The following ELSPBP1 variants were observed in gnomAD, a reference collection of about 807,000 sequenced individuals.
The protein encoded by ELSPBP1 is epididymal sperm-binding protein 1.
In ELSPBP1, 38 loss-of-function variants were observed where a neutral mutation model predicts 33.3. The ratio of observed to expected loss-of-function variants is 1.14; its 90% CI spans 0.88 to 1.50. The LOEUF (loss-of-function observed/expected upper bound fraction) is 1.50. ELSPBP1 is among the 40% of genes most tolerant of loss of function. The probability of loss-of-function intolerance (pLI) is 0.00; values close to 1 mark genes in which losing one functional copy is unlikely to be tolerated. For missense variants in ELSPBP1, 267 were observed against 263.5 expected, an observed-to-expected ratio of 1.01 and a Z score of -0.09; for synonymous variants, 85 against 94.1, an observed-to-expected ratio of 0.90 and a Z score of 0.56.
chr19:48,021,050 G>T (rs1600112616), intron 5 of ELSPBP1, among the ~76,000 whole-genome samples: 1 of 152,128 alleles, frequency 6.6e-6, no homozygotes, highest in East Asian at 1.9e-4. Context: ...GTGGATAGAG[G>T]CTTCCAGTTT....
At chr19:48,001,442 G>A (rs1037952219) in intron 1 of ELSPBP1, among the ~76,000 whole-genome samples, 11 of 151,534 alleles carry the variant, frequency 7.3e-5, no homozygotes, top group South Asian at 4.2e-4. Flanking sequence ...CACCCGCCTC[G>A]GCATCCCACC....
chr19:48,001,500 G>A (rs1230119279), intron 1 of ELSPBP1, among the ~76,000 whole-genome samples: 1 of 151,948 alleles, frequency 6.6e-6, no homozygotes, highest in Non-Finnish European at 1.5e-5. Flanking sequence ...TCCATCTGGG[G>A]AATCCCGGAT....
chr19:48,006,641 A>AAAG (rs1967022367), intron 1 of ELSPBP1, among the ~76,000 whole-genome samples: 1 of 89,738 alleles, frequency 1.1e-5, no homozygotes, highest in Non-Finnish European at 2.6e-5. Flanking sequence ...AAAAAAAAAA[A>AAAG]AAAAAAGAAA....
intron 2 of ELSPBP1, among the ~76,000 whole-genome samples, chr19:48,013,902 C>T (rs1249256278): frequency 5.9e-5 from 9 of 152,074 alleles, no homozygotes; most frequent in African/African-American, 1.7e-4. Flanking sequence ...GCTGTATCCT[C>T]ACATCGTAGA....
chr19:48,016,467 TCTTTCTTTCTTTC>T (rs1568407346), intron 4 of ELSPBP1, among the ~76,000 whole-genome samples: 25 of 38,118 alleles, frequency 6.6e-4, no homozygotes, highest in South Asian at 1.1e-3. Context: ...TTTCTTTCCT[TCTTTCTTTCTTTC>T]TTTCTTTCTT....
At position 48,016,454 on chromosome 19, in the gene ELSPBP1, TC is replaced by T. The variant is rs1967134101; in HGVS notation, c.355+416del. Among the ~76,000 whole-genome samples, 4 of 131,544 alleles carry T rather than the reference TC, an allele frequency of 3.0e-5. No homozygotes were observed. In the South Asian group the frequency reaches 8.2e-4, roughly 27 times the overall value. The allele number at this position is 131,544 out of a possible 152,430, so 86.3% of individuals were successfully genotyped here. ...TTCCTCCCTCCCTCCCTTTTCTCTT[TC>T]TTTTCTTTCCTTCTTTCTTTCTTTC... On this transcript the variant is annotated intron_variant, in intron 4 of 6. Transcript: ENST00000339841.
intron 1 of ELSPBP1, among the ~76,000 whole-genome samples, chr19:48,002,056 G>A (rs1295105601): frequency 6.6e-6 from 1 of 152,068 alleles, no homozygotes; most frequent in Admixed American, 6.6e-5. Context: ...ATTAGGACGT[G>A]GACAGATTTG....
intron 6 of ELSPBP1, among the ~76,000 whole-genome samples, chr19:48,023,295 A>G (rs1420571467): frequency 1.6e-5 from 2 of 126,726 alleles, no homozygotes; most frequent in Non-Finnish European, 3.4e-5. Context: ...GAGGAAAGGA[A>G]GGAAGGAGAG....
intron 1 of ELSPBP1, among the ~76,000 whole-genome samples, chr19:48,000,331 C>A (rs924541565): frequency 6.6e-6 from 1 of 151,548 alleles, no homozygotes; most frequent in African/African-American, 2.4e-5. Flanking sequence ...ACCTCTGCCT[C>A]CTGGGTTCAA....
chr19:48,008,786 G>T, intron 2 of ELSPBP1, 49 bp downstream of exon 2: 2 of 1,522,144 alleles, frequency 1.3e-6, no homozygotes, highest in Non-Finnish European at 1.8e-6. Context: ...GGAGAAGAAT[G>T]AATGGGGCAA....
Position 48,015,874 on chromosome 19 carries a change from C to A in ELSPBP1, c.209-19C>A. ...CGACTAGAGGAAGTTAAGACACTCACGAACTCTGTTCCTAACAGATTACCC... is the reference window on the plus strand; with the variant it reads ...CGACTAGAGGAAGTTAAGACACTCAAGAACTCTGTTCCTAACAGATTACCC... On this transcript the variant is annotated intron_variant, in intron 3 of 6. Coordinates refer to ENST00000339841, the MANE Select transcript of ELSPBP1 (RefSeq NM_022142.5). 1 of 1,591,178 alleles carries A rather than the reference C, an allele frequency of 6.3e-7. No individual in the cohort carries two copies. Among genetic ancestry groups the A allele is most frequent in the South Asian group, 1.1e-5 (1 of 89,790 alleles).
chr19:48,008,590 G>A lies in ELSPBP1; in HGVS notation c.-17-61G>A, dbSNP rs539426268. 2.6e-6 allele frequency: 3 copies of A among 1,169,354 alleles called. No individual in the cohort carries two copies. The South Asian group carries it at 3.9e-5, about 15-fold the overall frequency. 72.4% of individuals were successfully genotyped at this position (1,169,354 alleles called of 1,614,324 possible). ...AATGGCATGTATGACGTCAAATCTA[G>A]GAGGTAATGGGAAGAGGAAGGGGAC... On this transcript the variant is annotated intron_variant, in intron 1 of 6. Transcript: ENST00000339841.
chr19:48,015,945 C>T lies in ELSPBP1; in HGVS notation c.261C>T (p.Ser87=). 6.2e-7 allele frequency: 1 copy of T among 1,613,988 alleles called. No individual in the cohort carries two copies. Among genetic ancestry groups the T allele is most frequent in the Non-Finnish European group, 8.5e-7 (1 of 1,179,858 alleles). The change falls in exon 4 of 7, where the codon AGC becomes AGT. Residue 87 remains serine (S), a synonymous_variant. Transcript: ENST00000339841. ...PFIYRGKAYN[S]CISQGSFLGS... ...TCTATCGAGGAAAGGCTTATAACAG[C>T]TGCATCTCCCAGGGCAGCTTCTTAG...
At chr19:48,015,241 A>T (rs920853617) in intron 3 of ELSPBP1, among the ~76,000 whole-genome samples, 2 of 152,128 alleles carry the variant, frequency 1.3e-5, no homozygotes, top group Non-Finnish European at 2.9e-5. Context: ...CTTCATGTTG[A>T]GGAGGAGGAG....
Position 48,019,890 on chromosome 19 carries a change from T to TGGGGGTTG in ELSPBP1, c.514+16_514+23dup. 1 of 1,433,496 alleles carries TGGGGGTTG rather than the reference T, an allele frequency of 7.0e-7. No homozygotes were observed. The highest frequency in any genetic ancestry group is 9.7e-7 in the Non-Finnish European group (1 of 1,036,000). The allele number at this position is 1,433,496 out of a possible 1,614,324, so 88.8% of individuals were successfully genotyped here. A position where few individuals can be genotyped will look rare whatever the true frequency, so the allele number is the denominator to read the frequency against. On this transcript the variant is annotated intron_variant, in intron 5 of 6. Coordinates refer to ENST00000339841, the MANE Select transcript of ELSPBP1 (RefSeq NM_022142.5). ...TGTGCCGACACCAGTAATCTGGGGATGGGGGTTGGGTGGGTGTGGGTGGAG... is the reference window on the plus strand; with the variant it reads ...TGTGCCGACACCAGTAATCTGGGGATGGGGGTTGGGGGGTTGGGTGGGTGTGGGTGGAG...
intron 4 of ELSPBP1, among the ~76,000 whole-genome samples, chr19:48,016,523 TCTTTCTTCCTTCCTTCCTTCCTTC>T (rs1213451315): frequency 9.1e-4 from 60 of 65,992 alleles, no homozygotes; most frequent in African/African-American, 3.1e-3. Flanking sequence ...TTTCTTTCTT[TCTTTCTTCCTTCCTTCCTTCCTTC>T]CTTCCTTCCT....
intron 2 of ELSPBP1, among the ~76,000 whole-genome samples, chr19:48,010,994 GATAATGACA>G (rs1257699552): frequency 1.3e-5 from 2 of 152,096 alleles, no homozygotes; most frequent in Non-Finnish European, 2.9e-5. Context: ...GCAAAGCATT[GATAATGACA>G]ATAATGACAG....
chr19:48,019,720 G>T lies in ELSPBP1; in HGVS notation c.357G>T (p.Glu119Asp). 1 of 1,613,564 alleles carries T rather than the reference G, an allele frequency of 6.2e-7. No individual in the cohort carries two copies. The highest frequency in any genetic ancestry group is 8.5e-7 in the Non-Finnish European group (1 of 1,179,754). Residue 119 changes from glutamate (E) to aspartate (D), a missense_variant and splice_region_variant, in exon 5 of 7, where the codon GAG becomes GAT. By Grantham distance (45) the Glu-to-Asp change is conservative. Coordinates refer to ENST00000339841, the MANE Select transcript of ELSPBP1 (RefSeq NM_022142.5). ...TAACCTTTCCATAATCCTTTTCAGA[G>T]TATGGGGGAAATTCTCTCAGGAAGC... ...KQQWKFCETN[E>D]YGGNSLRKPC...
intron 3 of ELSPBP1, 82 bp from the exon 4 acceptor site, chr19:48,015,811 G>A: frequency 7.4e-7 from 1 of 1,353,098 alleles, no homozygotes; most frequent in Non-Finnish European, 1.0e-6. Context: ...CCTGTCCTAT[G>A]ATGGTTGATT....
Sources: gnomAD v4.1 joint callset for allele counts (sites outside exome capture counted in the v4.1 genomes callset) on GRCh38, gnomAD v4.1.1 for gene constraint, MANE v1.5 for transcripts, NCBI Gene and HGNC (gene_info 2026-07-23, HGNC 2026-07-21) for gene names.